ZNF567: variants seen among roughly 807,000 people sequenced by gnomAD.
The protein encoded by ZNF567 is zinc finger protein 567.
A neutral mutation model predicts 53.9 loss-of-function variants in ZNF567; 36 were observed. That is an observed-to-expected ratio of 0.67 (90% CI 0.51 to 0.88). ZNF567 has a LOEUF of 0.88. Among genes scored for constraint, ZNF567 ranks in the 40% least tolerant of loss-of-function variants. ZNF567 has a pLI of 0.00. For missense variants in ZNF567, 619 were observed against 764.7 expected (o/e 0.81, Z 2.25); for synonymous variants, 224 against 260.4 (o/e 0.86, Z 1.35).
rs1329302096 is a variant in ZNF567, at chr19:36,687,647, G to T, written c.-168+13G>T. 3 of 152,520 alleles carry T rather than the reference G, an allele frequency of 2.0e-5. No individual in the cohort carries two copies. The highest frequency in any genetic ancestry group is 4.4e-5 in the Non-Finnish European group (3 of 68,268). 9.4% of individuals were successfully genotyped at this position (152,520 alleles called of 1,614,324 possible). ...CCGGCAACCGAAGGTGAGGCTGGTG[G>T]GTCCCGCGGGCGCGGAGAAGGCGGG... is the stretch of plus-strand genomic sequence containing the variant. On this transcript the variant is annotated intron_variant, in intron 1 of 5. Coordinates refer to ENST00000682579, the MANE Select transcript of ZNF567 (RefSeq NM_001322917.1).
At chr19:36,700,859 C>T (rs1236979985) in intron 3 of ZNF567, among the ~76,000 whole-genome samples, 23 of 151,904 alleles carry the variant, frequency 1.5e-4, no homozygotes, top group Middle Eastern at 3.4e-3. Flanking sequence ...TTTGTTGATC[C>T]TTTCAAAAAA....
chr19:36,670,348 G>A, the ZNF567 span, among the ~76,000 whole-genome samples: 1 of 151,976 alleles, frequency 6.6e-6, no homozygotes, highest in South Asian at 2.1e-4. Flanking sequence ...GAGGCCAGGT[G>A]GAAGCGACTA....
chr19:36,704,927 C>G (rs1448970335), intron 3 of ZNF567, among the ~76,000 whole-genome samples: 1 of 152,112 alleles, frequency 6.6e-6, no homozygotes, highest in African/African-American at 2.4e-5. Context: ...ATTCAATGAG[C>G]TTTTGTAGTT....
chr19:36,695,198 A>G (rs10418271), intron 3 of ZNF567, among the ~76,000 whole-genome samples: 6,891 of 151,516 alleles, frequency 0.045, 454 homozygotes, highest in African/African-American at 0.14. Flanking sequence ...CAGCCTGGGC[A>G]ACATAGAGAG....
downstream of ZNF567, among the ~76,000 whole-genome samples, chr19:36,724,659 G>A (rs568551349): frequency 6.0e-5 from 8 of 132,434 alleles, no homozygotes; most frequent in South Asian, 1.2e-3. Flanking sequence ...TCCAGCCTGC[G>A]CGAAAAAGCG....
Position 36,719,758 on chromosome 19 carries a change from C to T in ZNF567, c.1034C>T (p.Ala345Val), listed in dbSNP as rs757298887. 4 of 1,614,136 alleles carry T rather than the reference C, an allele frequency of 2.5e-6. No homozygotes were observed. The South Asian group carries it at 4.4e-5, about 18-fold the overall frequency. ...KSYECLQCRNAFRLKSHLIRH... is the reference protein window; with the variant it reads ...KSYECLQCRNVFRLKSHLIRH... ...TATGAATGTCTGCAATGTAGGAATG[C>T]CTTCAGATTGAAGTCACACCTCATT... The change falls in exon 6 of 6, where the codon GCC (alanine) becomes GTC (valine). Residue 345 changes from alanine to valine, a missense_variant. Ala to Val is a moderately conservative substitution (Grantham distance 64, BLOSUM62 0). Transcript: ENST00000682579.
chr19:36,712,734 A>G (rs758536256), intron 4 of ZNF567, 47 bp from the exon 5 acceptor site: 12 of 1,560,306 alleles, frequency 7.7e-6, no homozygotes, highest in Non-Finnish European at 1.1e-5. Flanking sequence ...CTCATTTTTC[A>G]GTGGTATTAT....
chr19:36,727,016 T>TTTTC (rs1568725731), downstream of ZNF567: 12 of 147,344 alleles, frequency 8.1e-5, no homozygotes, highest in African/African-American at 2.2e-4. Flanking sequence ...CTTTCCTTTT[T>TTTTC]TTTTTTCCTG....
At chr19:36,717,872 T>G (rs918818008) in intron 5 of ZNF567, among the ~76,000 whole-genome samples, 2 of 152,200 alleles carry the variant, frequency 1.3e-5, no homozygotes, top group African/African-American at 4.8e-5. Context: ...AAGCCAGTCT[T>G]AAACCTGGAA....
At chr19:36,697,546 A>G (rs1011504037) in intron 3 of ZNF567, among the ~76,000 whole-genome samples, 3 of 151,956 alleles carry the variant, frequency 2.0e-5, no homozygotes, top group African/African-American at 7.2e-5. Context: ...CTTGTGCCCA[A>G]CTTAGGCAAA....
At chr19:36,693,900 T>G (rs1425638801) in intron 2 of ZNF567, among the ~76,000 whole-genome samples, 2 of 152,276 alleles carry the variant, frequency 1.3e-5, no homozygotes, top group Admixed American at 6.5e-5. Flanking sequence ...AATGAGAAAC[T>G]ATAAAAAATT....
chr19:36,716,275 T>C (rs2040061472), intron 5 of ZNF567, among the ~76,000 whole-genome samples: 1 of 152,202 alleles, frequency 6.6e-6, no homozygotes. Context: ...GGGTTTGTCA[T>C]CACATAGATA....
At position 36,720,444 on chromosome 19, in the gene ZNF567, TC is replaced by T; in HGVS notation, c.1721del (p.Ser574TyrfsTer76). 6.2e-7 allele frequency: 1 copy of T among 1,613,598 alleles called. No individual in the cohort carries two copies. Among genetic ancestry groups the T allele is most frequent in the South Asian group, 1.1e-5 (1 of 91,050 alleles). The part of the protein sequence containing the change: ...PQCGKAFSRK[S>X]YLIHHQRTHT... The stretch of plus-strand genomic sequence containing the variant: ...GTGTGGGAAAGCCTTTAGCAGGAAG[TC>T]ATATCTCATTCATCATCAAAGAACT... On this transcript the variant is annotated frameshift_variant, in exon 6 of 6. Transcript: ENST00000682579. LOFTEE classifies it high-confidence loss of function.
chr19:36,707,609 C>T (rs1051846982), intron 3 of ZNF567, among the ~76,000 whole-genome samples: 2 of 151,846 alleles, frequency 1.3e-5, no homozygotes, highest in Non-Finnish European at 2.9e-5. Flanking sequence ...CGGAGTTTTA[C>T]TCTTGTCGCT....
downstream of ZNF567, among the ~76,000 whole-genome samples, chr19:36,726,694 C>T (rs1259932419): frequency 6.6e-6 from 1 of 152,194 alleles, no homozygotes; most frequent in African/African-American, 2.4e-5. Flanking sequence ...CTTTACTATG[C>T]CTACTCCGAC....
downstream of ZNF567, among the ~76,000 whole-genome samples, chr19:36,726,781 C>T (rs2040336276): frequency 1.3e-5 from 2 of 152,126 alleles, no homozygotes; most frequent in South Asian, 2.1e-4. Flanking sequence ...CCCCAAATGA[C>T]TCCAGGGGCC....
intron 3 of ZNF567, among the ~76,000 whole-genome samples, chr19:36,708,098 G>C (rs537621322): frequency 6.6e-6 from 1 of 151,682 alleles, no homozygotes; most frequent in South Asian, 2.1e-4. Context: ...GTTTTGCTAT[G>C]TTGCCCAGGC....
chr19:36,675,703 G>T, the ZNF567 span, among the ~76,000 whole-genome samples: 492 of 151,900 alleles, frequency 3.2e-3, 2 homozygotes, highest in African/African-American at 0.012. Flanking sequence ...TAATAAATTA[G>T]CCAGGTGTGG....
the ZNF567 span, among the ~76,000 whole-genome samples, chr19:36,676,667 G>C: frequency 6.6e-6 from 1 of 152,172 alleles, no homozygotes; most frequent in Non-Finnish European, 1.5e-5. Context: ...TGCAGAGTGA[G>C]TGGCTGAACC....
Sources: allele counts gnomAD v4.1 joint callset (sites outside exome capture counted in the v4.1 genomes callset), GRCh38; gene constraint gnomAD v4.1.1; transcripts MANE v1.5; gene names NCBI Gene and HGNC (gene_info 2026-07-23, HGNC 2026-07-21).